The following HHAT variants were observed in gnomAD, a reference collection of about 807,000 sequenced individuals.
HHAT encodes the protein protein-cysteine N-palmitoyltransferase HHAT.
A neutral mutation model predicts 70.8 loss-of-function variants in HHAT; 47 were observed. The ratio of observed to expected loss-of-function variants is 0.66; its 90% confidence interval spans 0.53 to 0.85. The LOEUF is 0.85. HHAT is among the 40% of genes least tolerant of loss of function. The probability of loss-of-function intolerance (pLI) is 0.00; values close to 1 mark genes in which losing one functional copy is unlikely to be tolerated. For missense variants in HHAT, 609 were observed against 604.8 expected (o/e 1.01, Z -0.07); for synonymous variants, 228 against 247.6 (o/e 0.92, Z 0.74).
chr1:210,373,853 C>T (rs1454068237), intron 3 of HHAT, among the ~76,000 whole-genome samples: 3 of 152,136 alleles, frequency 2.0e-5, no homozygotes, highest in Admixed American at 2.0e-4. Context: ...AGAAATTCTC[C>T]CAACTATGTG....
At chr1:210,491,873 C>T (rs1024230438) in intron 8 of HHAT, among the ~76,000 whole-genome samples, 1 of 152,174 alleles carries the variant, frequency 6.6e-6, no homozygotes, top group Non-Finnish European at 1.5e-5. Flanking sequence ...AGCAGTTCTC[C>T]TGCCTCAGCC....
At chr1:210,421,837 T>C (rs552159462) in intron 7 of HHAT, among the ~76,000 whole-genome samples, 1 of 152,330 alleles carries the variant, frequency 6.6e-6, no homozygotes, top group South Asian at 2.1e-4. Context: ...AAAATTTATA[T>C]TATTTAAAAA....
intron 3 of HHAT, among the ~76,000 whole-genome samples, chr1:210,377,704 C>G (rs749139271): frequency 5.3e-5 from 8 of 152,300 alleles, no homozygotes; most frequent in Non-Finnish European, 1.0e-4. Flanking sequence ...TAATTAAACC[C>G]TCTTAAGAGG....
intron 6 of HHAT, among the ~76,000 whole-genome samples, chr1:210,415,222 T>C (rs190820363): frequency 6.6e-6 from 1 of 152,338 alleles, no homozygotes; most frequent in Admixed American, 6.5e-5. Flanking sequence ...TTATTTCCTT[T>C]TAACTTCTCG....
chr1:210,500,952 C>T (rs1300723478), intron 8 of HHAT, among the ~76,000 whole-genome samples: 1 of 152,192 alleles, frequency 6.6e-6, no homozygotes, highest in African/African-American at 2.4e-5. Flanking sequence ...TTCTGCAAAG[C>T]CCAGCTAGAG....
intron 9 of HHAT, among the ~76,000 whole-genome samples, chr1:210,572,715 G>A (rs781077357): frequency 2.0e-5 from 3 of 152,040 alleles, no homozygotes; most frequent in Non-Finnish European, 4.4e-5. Flanking sequence ...GCAACATAGT[G>A]AGACCTGGTC....
At chr1:210,347,205 T>A (rs556006352) in intron 1 of HHAT, among the ~76,000 whole-genome samples, 51 of 152,320 alleles carry the variant, frequency 3.3e-4, no homozygotes, top group African/African-American at 1.2e-3. Flanking sequence ...TTCTGTGAGT[T>A]TGACTTTTTT....
chr1:210,621,146 G>C (rs1214081222), intron 10 of HHAT, among the ~76,000 whole-genome samples: 2 of 152,040 alleles, frequency 1.3e-5, no homozygotes, highest in Non-Finnish European at 2.9e-5. Flanking sequence ...CAGGCAAAGA[G>C]AGTCTTCCTC....
At chr1:210,614,271 A>G (rs956947218) in intron 10 of HHAT, among the ~76,000 whole-genome samples, 1 of 152,056 alleles carries the variant, frequency 6.6e-6, no homozygotes, top group Non-Finnish European at 1.5e-5. Flanking sequence ...TGATTTTTGT[A>G]TCCTGCAACT....
At position 210,609,203 on chromosome 1, in the gene HHAT, T is replaced by C. The variant is rs539388581; in HGVS notation, c.1246-14323T>C. On this transcript the variant is annotated intron_variant, in intron 10 of 11. Transcript: ENST00000261458. ...AACTTTCTGCTCCTTTTGTTCAAAATTTAGGTAATTTATATTTTCTAGATA... is the reference window on the plus strand; with the variant it reads ...AACTTTCTGCTCCTTTTGTTCAAAACTTAGGTAATTTATATTTTCTAGATA... 7.2e-5 allele frequency among the ~76,000 whole-genome samples: 11 copies of C among 152,306 alleles called. 1 individual carries two copies. The South Asian group carries it at 2.3e-3, about 32-fold the overall frequency.
At chr1:210,327,623 A>C (rs2084670677), upstream of HHAT, among the ~76,000 whole-genome samples, 1 of 151,906 alleles carries the variant, frequency 6.6e-6, no homozygotes, top group Non-Finnish European at 1.5e-5. Flanking sequence ...CTCGTGCCTC[A>C]GCCTCCCAAG....
chr1:210,379,514 C>T (rs2090474021), intron 3 of HHAT, among the ~76,000 whole-genome samples: 1 of 152,208 alleles, frequency 6.6e-6, no homozygotes, highest in Non-Finnish European at 1.5e-5. Context: ...TGCTGAAGTT[C>T]CTTTTTGTTA....
chr1:210,649,550 C>G (rs563417562), intron 11 of HHAT, among the ~76,000 whole-genome samples: 28 of 152,212 alleles, frequency 1.8e-4, no homozygotes, highest in Admixed American at 2.0e-4. Flanking sequence ...CAGTATTGCT[C>G]CCAGTGTGAG....
chr1:210,496,901 A>G (rs780274563), intron 8 of HHAT, among the ~76,000 whole-genome samples: 2 of 152,208 alleles, frequency 1.3e-5, no homozygotes, highest in African/African-American at 4.8e-5. Context: ...CTGTAGTTCT[A>G]TACCTTTTAC....
intron 8 of HHAT, among the ~76,000 whole-genome samples, chr1:210,469,105 G>T (rs996233391): frequency 1.3e-5 from 2 of 152,078 alleles, no homozygotes; most frequent in African/African-American, 4.8e-5. Flanking sequence ...TGACTGAGAG[G>T]TCCTCCTGCT....
chr1:210,661,257 A>G (rs1353375896), intron 11 of HHAT, among the ~76,000 whole-genome samples: 1 of 152,256 alleles, frequency 6.6e-6, no homozygotes, highest in Non-Finnish European at 1.5e-5. Flanking sequence ...GACAAAGGAT[A>G]GGAACAGACA....
chr1:210,464,768 G>T, intron 8 of HHAT, 113 bp downstream of exon 8: 2 of 1,046,432 alleles, frequency 1.9e-6, no homozygotes, highest in Non-Finnish European at 2.8e-6. Flanking sequence ...CACTCAAGCT[G>T]CATTTGGCAT....
At chr1:210,541,752 C>T (rs1453259828) in intron 9 of HHAT, among the ~76,000 whole-genome samples, 1 of 152,030 alleles carries the variant, frequency 6.6e-6, no homozygotes, top group African/African-American at 2.4e-5. Flanking sequence ...AACAAAACAA[C>T]AGAAAGAAAA....
chr1:210,604,757 T>C (rs947902717), intron 10 of HHAT, among the ~76,000 whole-genome samples: 1 of 152,162 alleles, frequency 6.6e-6, no homozygotes. Context: ...GGCTCATACC[T>C]ATAATCCCAA....
Sources: allele counts gnomAD v4.1 joint callset (sites outside exome capture counted in the v4.1 genomes callset), GRCh38; gene constraint gnomAD v4.1.1; transcripts MANE v1.5; gene names NCBI Gene and HGNC (gene_info 2026-07-23, HGNC 2026-07-21).